Variants in LGSN observed in about 807,000 individuals in gnomAD.
LGSN encodes lengsin, lens protein with glutamine synthetase domain.
Under a neutral mutation model 19.5 loss-of-function variants are expected in LGSN, and 21 were observed. That is an observed-to-expected ratio of 1.07 (90% CI 0.76 to 1.55). The LOEUF (loss-of-function observed/expected upper bound fraction) is 1.55. LGSN is among the 40% of genes most tolerant of loss of function. LGSN has a pLI of 0.00. For synonymous variants in LGSN, 257 were observed against 215.6 expected (o/e 1.19, Z -1.68); for missense variants, 673 against 608.5 (o/e 1.11, Z -1.12).
the LGSN span, among the ~76,000 whole-genome samples, chr6:63,424,400 C>T: frequency 6.6e-6 from 1 of 151,634 alleles, no homozygotes; most frequent in Non-Finnish European, 1.5e-5. Flanking sequence ...CCAAATATTT[C>T]AAGAAGAATT....
the LGSN span, among the ~76,000 whole-genome samples, chr6:63,447,771 G>A: frequency 2.6e-5 from 4 of 152,066 alleles, no homozygotes; most frequent in African/African-American, 4.8e-5. Context: ...TCATTTATTT[G>A]TGCCTCTAAC....
rs371133744 is a variant in LGSN at position 63,280,107 on chromosome 6, G to C, written c.1444C>G (p.Arg482Gly). 59 of 1,613,746 alleles carry C rather than the reference G, an allele frequency of 3.7e-5. No individual in the cohort carries two copies. Among genetic ancestry groups the C allele is most frequent in the Non-Finnish European group, 4.7e-5 (56 of 1,179,928 alleles). ...LRQALGETFI[R>G]YFVAMKKYEL... is the part of the protein sequence containing the mutation. ...TATTTCTTCATGGCAACAAAATATCGAATAAAGGTTTCTCCTAGAGCCTGT... is the reference window on the plus strand; with the variant it reads ...TATTTCTTCATGGCAACAAAATATCCAATAAAGGTTTCTCCTAGAGCCTGT... Residue 482 changes from arginine to glycine, a missense_variant, in exon 4 of 4, where the codon CGA becomes GGA. Transcript: ENST00000370657.
chr6:63,409,810 C>A, the LGSN span, among the ~76,000 whole-genome samples: 6 of 152,098 alleles, frequency 3.9e-5, no homozygotes, highest in African/African-American at 1.2e-4. Context: ...CCGAGATGGG[C>A]AGATCACTTG....
At position 63,279,865 on chromosome 6, in the gene LGSN, A is replaced by G. The variant is rs1767219418; in HGVS notation, c.*156T>C. On this transcript the variant is annotated 3_prime_UTR_variant, in exon 4 of 4. Transcript: ENST00000370657. ...AGAATCTTCTCAGCAGTCCTACTTC[A>G]TCTGTCAAATATTCCATGGACAAAA... 1.5e-6 allele frequency: 1 copy of G among 670,088 alleles called. No homozygotes were observed. Among genetic ancestry groups the G allele is most frequent in the Non-Finnish European group, 2.6e-6 (1 of 391,970 alleles). 41.5% of individuals were successfully genotyped at this position (670,088 alleles called of 1,614,324 possible).
the LGSN span, among the ~76,000 whole-genome samples, chr6:63,573,080 G>T: frequency 2.0e-5 from 3 of 152,214 alleles, no homozygotes; most frequent in African/African-American, 7.2e-5. Flanking sequence ...AAGCCGCTTT[G>T]TGACCGCCGC....
the LGSN span, among the ~76,000 whole-genome samples, chr6:63,360,882 C>T: frequency 6.6e-6 from 1 of 152,238 alleles, no homozygotes; most frequent in African/African-American, 2.4e-5. Flanking sequence ...ACAGTCAGCA[C>T]CCTCAGCTGC....
At chr6:63,412,416 A>AAAGAG in the LGSN span, among the ~76,000 whole-genome samples, 13 of 97,476 alleles carry the variant, frequency 1.3e-4, no homozygotes, top group African/African-American at 6.7e-4. Flanking sequence ...AGAAAGAAAG[A>AAAGAG]AGAAAGAAAG....
At chr6:63,511,461 G>A in the LGSN span, among the ~76,000 whole-genome samples, 1 of 152,024 alleles carries the variant, frequency 6.6e-6, no homozygotes, top group African/African-American at 2.4e-5. Context: ...TCACCATGCT[G>A]GTTAGGCTGG....
the LGSN span, among the ~76,000 whole-genome samples, chr6:63,507,398 C>A: frequency 6.6e-6 from 1 of 152,114 alleles, no homozygotes; most frequent in Non-Finnish European, 1.5e-5. Flanking sequence ...GCATATAATT[C>A]ATTCATACCT....
chr6:63,448,960 G>A, the LGSN span, among the ~76,000 whole-genome samples: 2 of 152,082 alleles, frequency 1.3e-5, no homozygotes, highest in African/African-American at 2.4e-5. Flanking sequence ...ACAACTATTT[G>A]TATAGCATTT....
chr6:63,393,123 G>A, the LGSN span, among the ~76,000 whole-genome samples: 7 of 150,372 alleles, frequency 4.7e-5, no homozygotes, highest in African/African-American at 9.8e-5. Context: ...TCCTGACCTC[G>A]TGATACACCC....
the LGSN span, among the ~76,000 whole-genome samples, chr6:63,434,604 C>CAAAAAAAAAAAAAAAAAAAA: frequency 3.2e-5 from 2 of 62,898 alleles, no homozygotes; most frequent in East Asian, 5.5e-4. Context: ...ACTAAAAATT[C>CAAAAAAAAAAAAAAAAAAAA]AAAAAAAAAA....
At position 63,277,689 on chromosome 6, in the gene LGSN, A is replaced by T. The variant is rs1282399104; in HGVS notation, c.*2332T>A. The T allele has an allele frequency of 6.6e-6, 1 of 152,228 alleles. No homozygotes were observed. The highest frequency in any genetic ancestry group is 1.5e-5 in the Non-Finnish European group (1 of 68,094). 9.4% of individuals were successfully genotyped at this position (152,228 alleles called of 1,614,324 possible). A position where few individuals can be genotyped will look rare whatever the true frequency, so the allele number is the denominator to read the frequency against. On this transcript the variant is annotated 3_prime_UTR_variant, in exon 4 of 4. Coordinates refer to ENST00000370657, the MANE Select transcript of LGSN (RefSeq NM_016571.3). ...GTGGAGCAAACCTCCCTTCCCAAGGACATAATCCTAGCCACATTATCTGTA... is the reference window on the plus strand; with the variant it reads ...GTGGAGCAAACCTCCCTTCCCAAGGTCATAATCCTAGCCACATTATCTGTA...
chr6:63,444,859 G>A, the LGSN span, among the ~76,000 whole-genome samples: 1 of 152,192 alleles, frequency 6.6e-6, no homozygotes, highest in Non-Finnish European at 1.5e-5. Flanking sequence ...TGCCATGGCT[G>A]ACTGTGCTTG....
the LGSN span, among the ~76,000 whole-genome samples, chr6:63,340,010 GA>G: frequency 6.6e-6 from 1 of 151,432 alleles, no homozygotes; most frequent in Non-Finnish European, 1.5e-5. Flanking sequence ...CTCATTTTCT[GA>G]AAAAAAGATA....
chr6:63,391,714 T>C, the LGSN span, among the ~76,000 whole-genome samples: 1 of 152,314 alleles, frequency 6.6e-6, no homozygotes, highest in Non-Finnish European at 1.5e-5. Flanking sequence ...TCAGTTACAC[T>C]TCATGGGCTG....
the LGSN span, among the ~76,000 whole-genome samples, chr6:63,442,657 T>C: frequency 6.6e-6 from 1 of 152,138 alleles, no homozygotes; most frequent in African/African-American, 2.4e-5. Flanking sequence ...CACAGAGTGC[T>C]GATTGCTGCA....
the LGSN span, among the ~76,000 whole-genome samples, chr6:63,462,666 T>G: frequency 6.6e-6 from 1 of 152,178 alleles, no homozygotes; most frequent in Non-Finnish European, 1.5e-5. Context: ...GAAGTTTACT[T>G]CAAACTTTTC....
the LGSN span, among the ~76,000 whole-genome samples, chr6:63,467,319 A>T: frequency 3.7e-3 from 554 of 147,766 alleles, 6 homozygotes; most frequent in African/African-American, 0.014. Flanking sequence ...AAATATGGTA[A>T]CTATAAGATC....
Sources: gnomAD v4.1 joint callset for allele counts (sites outside exome capture counted in the v4.1 genomes callset) on GRCh38, gnomAD v4.1.1 for gene constraint, MANE v1.5 for transcripts, NCBI Gene and HGNC (gene_info 2026-07-23, HGNC 2026-07-21) for gene names.